The following NCKAP5 variants were observed in gnomAD, a reference collection of about 807,000 sequenced individuals.
NCKAP5 encodes nck-associated protein 5.
Under a neutral mutation model 167.0 loss-of-function variants are expected in NCKAP5, and 92 were observed. That is an observed-to-expected ratio of 0.55 (90% CI 0.47 to 0.66). The LOEUF (loss-of-function observed/expected upper bound fraction) is 0.66, where lower values mean the gene tolerates loss of function less well. Ranked by LOEUF, NCKAP5 falls within the 30% of genes least tolerant of loss-of-function variation. The pLI is 0.00. For synonymous variants in NCKAP5, 891 were observed against 877.4 expected (o/e 1.02, Z -0.27); for missense variants, 2,378 against 2,315.0 (o/e 1.03, Z -0.56).
chr2:133,587,476 A>C, the NCKAP5 span, among the ~76,000 whole-genome samples: 11 of 152,234 alleles, frequency 7.2e-5, no homozygotes, highest in African/African-American at 2.7e-4. Flanking sequence ...AATGAATTGC[A>C]TCTTTCTGGG....
intron 11 of NCKAP5, among the ~76,000 whole-genome samples, chr2:132,813,450 A>G (rs1686033340): frequency 1.3e-5 from 2 of 152,280 alleles, no homozygotes; most frequent in South Asian, 4.2e-4. Flanking sequence ...GTGGACATTC[A>G]CACAGCTTTT....
chr2:133,553,324 G>T (rs916355446), intron 2 of NCKAP5, among the ~76,000 whole-genome samples: 1 of 152,182 alleles, frequency 6.6e-6, no homozygotes, highest in Non-Finnish European at 1.5e-5. Flanking sequence ...AAACCTAGCT[G>T]TCCAGAAGTG....
chr2:133,200,794 C>T (rs2085652114), intron 5 of NCKAP5, among the ~76,000 whole-genome samples: 1 of 152,058 alleles, frequency 6.6e-6, no homozygotes, highest in Non-Finnish European at 1.5e-5. Context: ...ACACTGCAAA[C>T]AGCCCAAATA....
intron 4 of NCKAP5, among the ~76,000 whole-genome samples, chr2:133,282,142 T>A (rs1021311586): frequency 6.6e-6 from 1 of 152,222 alleles, no homozygotes; most frequent in Non-Finnish European, 1.5e-5. Flanking sequence ...TTCATTTCCC[T>A]CATCTGCAAA....
intron 3 of NCKAP5, among the ~76,000 whole-genome samples, chr2:133,476,188 TAAG>T (rs1679871102): frequency 6.6e-6 from 1 of 152,222 alleles, no homozygotes; most frequent in Admixed American, 6.5e-5. Flanking sequence ...GGGTCTTTCC[TAAG>T]AAGAAAATGT....
chr2:133,205,373 C>A (rs942605183), intron 5 of NCKAP5, among the ~76,000 whole-genome samples: 2 of 151,986 alleles, frequency 1.3e-5, no homozygotes, highest in African/African-American at 4.8e-5. Flanking sequence ...TCAGAGCAGC[C>A]TTTTAAAATT....
chr2:133,489,043 C>T (rs1351762192), intron 3 of NCKAP5, among the ~76,000 whole-genome samples: 3 of 152,100 alleles, frequency 2.0e-5, no homozygotes, highest in Non-Finnish European at 2.9e-5. Context: ...GTGCCATGAT[C>T]GTGCCACTGC....
chr2:133,225,692 C>G lies in NCKAP5; in HGVS notation c.144-11913G>C, dbSNP rs192728061. Among the ~76,000 whole-genome samples the G allele has an allele frequency of 2.1e-3, 321 of 151,496 alleles. 3 individuals carry two copies. The highest frequency in any genetic ancestry group is 5.9e-4 in the Non-Finnish European group (40 of 67,930). Reference sequence around the variant, plus strand: ...GCAGTGGTGTGATCATGGCTCACTGCAGCCTCAATCTCCTGGGCTCAAGCA... The same window carrying G: ...GCAGTGGTGTGATCATGGCTCACTGGAGCCTCAATCTCCTGGGCTCAAGCA... On this transcript the variant is annotated intron_variant, in intron 4 of 19. Transcript: ENST00000409261.
chr2:133,314,550 G>T (rs577147841), intron 3 of NCKAP5, among the ~76,000 whole-genome samples: 2 of 152,126 alleles, frequency 1.3e-5, no homozygotes, highest in African/African-American at 4.8e-5. Context: ...TGATTACCCC[G>T]ATTACCACCC....
At chr2:133,594,129 T>G in the NCKAP5 span, among the ~76,000 whole-genome samples, 5 of 152,248 alleles carry the variant, frequency 3.3e-5, no homozygotes, top group Admixed American at 6.5e-5. Flanking sequence ...GAGCCCACGC[T>G]TCTTTGATGA....
chr2:132,773,176 C>T lies in NCKAP5; in HGVS notation c.5128+640G>A, dbSNP rs376214327. 5.9e-5 allele frequency among the ~76,000 whole-genome samples: 9 copies of T among 152,284 alleles called. No homozygotes were observed. The South Asian group carries it at 1.9e-3, about 32-fold the overall frequency. ...GGTGGCCTGGAGGAGCTAAAGGTGC[C>T]ACTTCTTCTATCTCTTGACAAGGAA... On this transcript the variant is annotated intron_variant, in intron 16 of 19. Transcript: ENST00000409261.
intron 5 of NCKAP5, among the ~76,000 whole-genome samples, chr2:133,137,123 T>G (rs917984197): frequency 6.6e-6 from 1 of 152,088 alleles, no homozygotes; most frequent in South Asian, 2.1e-4. Context: ...AGCCTTGTTT[T>G]TGTTTTGCAC....
intron 3 of NCKAP5, among the ~76,000 whole-genome samples, chr2:133,462,888 C>A (rs74819186): frequency 2.6e-5 from 4 of 152,160 alleles, no homozygotes; most frequent in African/African-American, 9.7e-5. Context: ...TATCTTCCAC[C>A]GGCCCTACTC....
intron 8 of NCKAP5, chr2:132,926,178 A>G: frequency 2.5e-6 from 1 of 392,914 alleles, no homozygotes; most frequent in Admixed American, 2.6e-5. Context: ...TTCTCTTAGG[A>G]TAATGGCCTC....
chr2:132,832,085 G>A (rs2105370726), intron 11 of NCKAP5, among the ~76,000 whole-genome samples: 1 of 152,156 alleles, frequency 6.6e-6, no homozygotes, highest in Admixed American at 6.5e-5. Flanking sequence ...TTGAAATTTG[G>A]TAGGCAAGTC....
intron 4 of NCKAP5, among the ~76,000 whole-genome samples, chr2:133,247,732 C>T (rs1239985085): frequency 6.6e-6 from 1 of 152,200 alleles, no homozygotes; most frequent in Admixed American, 6.5e-5. Context: ...CATGAAATCT[C>T]TCAAGTGTAC....
rs866815485 is a variant in NCKAP5 at position 132,939,159 on chromosome 2, C to T, written c.579+24561G>A. ...AAATGACCTTTTAAAAACACTTAAA[C>T]GGTTAACTTTTGATCTCAAGTCTTC... On this transcript the variant is annotated intron_variant, in intron 8 of 19. Transcript: ENST00000409261. Among the ~76,000 whole-genome samples the T allele has an allele frequency of 9.9e-5, 15 of 152,016 alleles. No individual in the cohort carries two copies. In the South Asian group the frequency reaches 1.5e-3, roughly 15 times the overall value.
At chr2:133,023,784 CTT>C (rs1194777994) in intron 6 of NCKAP5, among the ~76,000 whole-genome samples, 1 of 152,156 alleles carries the variant, frequency 6.6e-6, no homozygotes, top group Non-Finnish European at 1.5e-5. Flanking sequence ...TGATTTCATT[CTT>C]TGTTATGGGT....
At chr2:132,985,846 C>T (rs376289552) in intron 7 of NCKAP5, among the ~76,000 whole-genome samples, 4 of 152,166 alleles carry the variant, frequency 2.6e-5, no homozygotes, top group Admixed American at 2.6e-4. Context: ...CTTGAGACTT[C>T]TCAAGATTAT....
Sources: allele counts gnomAD v4.1 joint callset (sites outside exome capture counted in the v4.1 genomes callset), GRCh38; gene constraint gnomAD v4.1.1; transcripts MANE v1.5; gene names NCBI Gene and HGNC (gene_info 2026-07-23, HGNC 2026-07-21).